CCDC57: variants seen among roughly 807,000 people sequenced by gnomAD.
CCDC57 encodes coiled-coil domain-containing protein 57.
CCDC57 carries 118 observed loss-of-function variants against 118.9 expected under a neutral mutation model. The ratio of observed to expected loss-of-function variants is 0.99; its 90% CI spans 0.86 to 1.16. The LOEUF (loss-of-function observed/expected upper bound fraction) is 1.16. Among genes scored for constraint, CCDC57 ranks in the 50% most tolerant of loss-of-function variants. The probability of loss-of-function intolerance (pLI) is 0.00; values close to 1 mark genes in which losing one functional copy is unlikely to be tolerated. For missense variants in CCDC57, 1,300 were observed against 1,320.7 expected (o/e 0.98, Z 0.24); for synonymous variants, 527 against 532.9 (o/e 0.99, Z 0.15).
intron 7 of CCDC57, among the ~76,000 whole-genome samples, chr17:82,190,511 CATGGCA>C (rs1300352478): frequency 2.0e-5 from 3 of 152,022 alleles, no homozygotes; most frequent in Non-Finnish European, 4.4e-5. Context: ...GCCTGGCCAG[CATGGCA>C]AACTCCATCT....
intron 8 of CCDC57, 55 bp from the exon 8 acceptor site, chr17:82,183,987 C>T: frequency 1.3e-6 from 2 of 1,537,108 alleles, no homozygotes; most frequent in Non-Finnish European, 8.9e-7. Context: ...AAAGTTGTCT[C>T]TTACACAGCA....
intron 19 of CCDC57, among the ~76,000 whole-genome samples, chr17:82,107,067 C>T (rs1049617406): frequency 1.3e-5 from 2 of 152,204 alleles, no homozygotes; most frequent in Admixed American, 6.5e-5. Flanking sequence ...AAGGAGGCCA[C>T]ACGCTCCTCC....
At chr17:82,147,874 GGGTGGGTGGATGGATGGATGGATAGATA>G (rs2041034719) in intron 16 of CCDC57, among the ~76,000 whole-genome samples, 4 of 101,166 alleles carry the variant, frequency 4.0e-5, no homozygotes. Context: ...ATGGATGAAT[GGGTGGGTGGATGGATGGATGGATAGATA>G]GGTGGGTGGA....
chr17:82,150,095 C>G (rs1266476080), intron 16 of CCDC57, among the ~76,000 whole-genome samples: 1 of 116,412 alleles, frequency 8.6e-6, no homozygotes, highest in Non-Finnish European at 1.8e-5. Context: ...ACACCCAGAA[C>G]CTGACCCACA....
chr17:82,108,258 C>T (rs560174439), intron 19 of CCDC57, among the ~76,000 whole-genome samples: 11 of 152,314 alleles, frequency 7.2e-5, no homozygotes, highest in Admixed American at 3.9e-4. Context: ...ATGGCTTGCC[C>T]GGGTCCTGGA....
chr17:82,174,126 C>T (rs1450532766), intron 11 of CCDC57, among the ~76,000 whole-genome samples: 4 of 152,228 alleles, frequency 2.6e-5, no homozygotes, highest in Non-Finnish European at 5.9e-5. Context: ...GTGGAGCCAC[C>T]CTGAGGGACG....
chr17:82,152,068 G>A, intron 15 of CCDC57: 1 of 423,616 alleles, frequency 2.4e-6, no homozygotes. Flanking sequence ...CCTGCCTTCT[G>A]GTCATCTATG....
chr17:82,104,055 T>C (rs1400888141), intron 19 of CCDC57, among the ~76,000 whole-genome samples: 1 of 152,218 alleles, frequency 6.6e-6, no homozygotes, highest in Non-Finnish European at 1.5e-5. Flanking sequence ...GAGCTGGATG[T>C]GTCAAGGCGG....
chr17:82,158,257 G>C (rs933771965), intron 14 of CCDC57, among the ~76,000 whole-genome samples: 6 of 152,216 alleles, frequency 3.9e-5, no homozygotes, highest in Non-Finnish European at 8.8e-5. Context: ...CCTCCTCCCA[G>C]GGAGAAACAA....
chr17:82,127,806 G>T lies in CCDC57; in HGVS notation c.2785C>A (p.Arg929Ser), dbSNP rs745693145. 5.6e-6 allele frequency: 9 copies of T among 1,612,916 alleles called. No individual in the cohort carries two copies. The South Asian group carries it at 9.9e-5, about 18-fold the overall frequency. ...AAGGAGGAGGAGCTGTGGGATTGGC[G>T]ACCATGCTCCTCAGGGTGCTGGGGA... The change falls in exon 19 of 20, where the codon CGC becomes AGC. Residue 929 changes from arginine (R) to serine (S), a missense_variant. Transcript: ENST00000665763.
intron 19 of CCDC57, chr17:82,107,673 T>C: frequency 2.2e-6 from 1 of 457,764 alleles, no homozygotes. Flanking sequence ...CACCCCCTGC[T>C]GTCCAACAGC....
intron 7 of CCDC57, among the ~76,000 whole-genome samples, chr17:82,189,032 C>T (rs762224715): frequency 3.3e-5 from 5 of 152,250 alleles, no homozygotes; most frequent in East Asian, 3.9e-4. Context: ...TTTAGGAGGC[C>T]GAGGCAGGTG....
intron 14 of CCDC57, among the ~76,000 whole-genome samples, chr17:82,158,836 G>A (rs1337609209): frequency 2.6e-5 from 4 of 151,672 alleles, no homozygotes; most frequent in Non-Finnish European, 5.9e-5. Context: ...GGGATTACAC[G>A]TGTGAGCCAC....
At chr17:82,115,760 T>G (rs1056677329) in intron 19 of CCDC57, among the ~76,000 whole-genome samples, 3 of 145,946 alleles carry the variant, frequency 2.1e-5, no homozygotes, top group African/African-American at 7.5e-5. Flanking sequence ...AGAGGGAGAC[T>G]CTGTCTCAAA....
chr17:82,129,492 C>T (rs1443246448), intron 17 of CCDC57, among the ~76,000 whole-genome samples: 1 of 152,220 alleles, frequency 6.6e-6, no homozygotes, highest in Non-Finnish European at 1.5e-5. Flanking sequence ...GTGCCCACAA[C>T]AGTGGATGCA....
rs367884497 is a variant in CCDC57, at chr17:82,172,899, T to C, written c.1507-39A>G. ...GGAAAAATGGCTACAAAAAGATGAA[T>C]GGTTCCCCAGCTTGTCCTGACAGGC... is the stretch of plus-strand genomic sequence containing the variant. On this transcript the variant is annotated intron_variant, in intron 11 of 19. Transcript: ENST00000665763. The surrounding 1 kb of genome is among the most constrained non-coding windows in gnomAD (Gnocchi z 5.2). 15 of 1,557,826 alleles carry C rather than the reference T, an allele frequency of 9.6e-6. No individual in the cohort carries two copies. In the Middle Eastern group the frequency reaches 7.0e-4, roughly 73 times the overall value.
rs576383185 is a variant in CCDC57 at position 82,188,415 on chromosome 17, C to G, written c.856G>C (p.Glu286Gln). 1.4e-5 allele frequency: 22 copies of G among 1,610,354 alleles called. No homozygotes were observed. Among genetic ancestry groups the G allele is most frequent in the Admixed American group, 1.0e-4 (6 of 59,894 alleles). Residue 286 changes from glutamate to glutamine, a missense_variant, in exon 8 of 20, where the codon GAG becomes CAG. Transcript: ENST00000665763. ...TCCCTGGCCAGACGGTCGAGCTCCTCATGCCTGAAACACAGTGAGTGTCCC... is the reference window on the plus strand; with the variant it reads ...TCCCTGGCCAGACGGTCGAGCTCCTGATGCCTGAAACACAGTGAGTGTCCC...
intron 2 of CCDC57, chr17:82,207,684 C>G (rs1290030683): frequency 6.6e-6 from 1 of 152,244 alleles, no homozygotes; most frequent in Non-Finnish European, 1.5e-5. Flanking sequence ...TGATTTGAGT[C>G]ATAATAGAAC....
intron 13 of CCDC57, among the ~76,000 whole-genome samples, chr17:82,165,487 C>CAA (rs752915189): frequency 3.7e-4 from 49 of 132,334 alleles, no homozygotes; most frequent in African/African-American, 1.2e-3. Context: ...GAGCTCAGAC[C>CAA]AAAAAAAAAA....
Sources: gnomAD v4.1 joint callset for allele counts (sites outside exome capture counted in the v4.1 genomes callset) on GRCh38, gnomAD v4.1.1 for gene constraint, Gnocchi (gnomAD v3.1) non-coding constraint, MANE v1.5 for transcripts, NCBI Gene and HGNC (gene_info 2026-07-23, HGNC 2026-07-21) for gene names.